PIK3C2G: variants seen among roughly 807,000 people sequenced by gnomAD.
PIK3C2G encodes phosphatidylinositol 3-kinase C2 domain-containing subunit gamma.
In PIK3C2G, 168 loss-of-function variants were observed where a neutral mutation model predicts 181.1. That is an observed-to-expected ratio of 0.93 (90% CI 0.82 to 1.05). The LOEUF is 1.05. Among genes scored for constraint, PIK3C2G ranks in the 50% least tolerant of loss-of-function variants. The pLI, the probability that PIK3C2G is intolerant of heterozygous loss-of-function variation, is 0.00. For synonymous variants in PIK3C2G, 573 were observed against 592.2 expected (o/e 0.97, Z 0.47); for missense variants, 1,869 against 1,732.8 (o/e 1.08, Z -1.40).
the PIK3C2G span, among the ~76,000 whole-genome samples, chr12:18,670,951 G>A: frequency 2.0e-5 from 3 of 152,148 alleles, no homozygotes; most frequent in Admixed American, 6.5e-5. Context: ...GGGAGGCTGA[G>A]GCAGGCAGAT....
At chr12:18,580,202 C>T (rs1048639474) in intron 29 of PIK3C2G, among the ~76,000 whole-genome samples, 2 of 151,536 alleles carry the variant, frequency 1.3e-5, no homozygotes, top group Non-Finnish European at 2.9e-5. Context: ...GATAGCAGTA[C>T]CTAAATAAAT....
At chr12:18,266,051 A>T (rs76508776) in intron 1 of PIK3C2G, among the ~76,000 whole-genome samples, 5,904 of 149,116 alleles carry the variant, frequency 0.04, 429 homozygotes, top group African/African-American at 0.14. Context: ...ACACTACGCA[A>T]TAGAAAATTT....
chr12:18,673,179 G>C, the PIK3C2G span, among the ~76,000 whole-genome samples: 2 of 152,080 alleles, frequency 1.3e-5, no homozygotes, highest in Admixed American at 1.3e-4. Context: ...TGGTTAAATT[G>C]ATTCACATAC....
At chr12:18,510,970 G>C (rs1166749082) in intron 24 of PIK3C2G, among the ~76,000 whole-genome samples, 1 of 152,016 alleles carries the variant, frequency 6.6e-6, no homozygotes, top group East Asian at 1.9e-4. Flanking sequence ...TATACTCTTT[G>C]ATCAATAGCT....
chr12:18,432,364 G>A (rs1443636257), intron 18 of PIK3C2G, among the ~76,000 whole-genome samples: 1 of 152,052 alleles, frequency 6.6e-6, no homozygotes, highest in Non-Finnish European at 1.5e-5. Flanking sequence ...CTCAAATGTT[G>A]AAACTTGGAC....
At chr12:18,562,182 A>G (rs1366977576) in intron 26 of PIK3C2G, among the ~76,000 whole-genome samples, 1 of 152,186 alleles carries the variant, frequency 6.6e-6, no homozygotes, top group Non-Finnish European at 1.5e-5. Flanking sequence ...ACCAGGCTGG[A>G]GTGCAGCCGC....
chr12:18,720,008 C>G, the PIK3C2G span, among the ~76,000 whole-genome samples: 1 of 152,030 alleles, frequency 6.6e-6, no homozygotes, highest in African/African-American at 2.4e-5. Context: ...GACTAACTTC[C>G]CAGTCACTCA....
chr12:18,568,835 A>T (rs1358949619), intron 29 of PIK3C2G, among the ~76,000 whole-genome samples: 2 of 152,192 alleles, frequency 1.3e-5, no homozygotes, highest in Non-Finnish European at 2.9e-5. Context: ...CCACTTTGGT[A>T]GATCTTGGCC....
intron 11 of PIK3C2G, among the ~76,000 whole-genome samples, chr12:18,361,860 G>T (rs532421064): frequency 6.6e-6 from 1 of 152,268 alleles, no homozygotes; most frequent in South Asian, 2.1e-4. Flanking sequence ...TGAAGTGTTG[G>T]ACATATGCTC....
At chr12:18,560,791 G>A (rs560194910) in intron 26 of PIK3C2G, among the ~76,000 whole-genome samples, 2 of 151,862 alleles carry the variant, frequency 1.3e-5, no homozygotes, top group South Asian at 4.2e-4. Context: ...TATTGAAAGG[G>A]CACTATTTAA....
At chr12:18,392,813 G>T (rs935475531) in intron 15 of PIK3C2G, among the ~76,000 whole-genome samples, 3 of 152,064 alleles carry the variant, frequency 2.0e-5, no homozygotes, top group African/African-American at 7.2e-5. Flanking sequence ...AACAATGTGT[G>T]TGAATAAATA....
rs1555170513 is a variant in PIK3C2G, at chr12:18,362,149, T to TA, written c.1626-608dup. Among the ~76,000 whole-genome samples the TA allele has an allele frequency of 3.3e-5, 5 of 152,176 alleles. No homozygotes were observed. The Middle Eastern group carries it at 0.01, about 311-fold the overall frequency. ...GGAGAAGCCATAAATTGGGTTTTTT[T>TA]AAAAAAATCATTCTATGCTGAGTTG... On this transcript the variant is annotated intron_variant, in intron 11 of 32. Coordinates refer to ENST00000538779, the MANE Select transcript of PIK3C2G (RefSeq NM_001288772.2).
chr12:18,451,834 G>GT (rs1161714360), intron 18 of PIK3C2G, among the ~76,000 whole-genome samples: 3 of 152,150 alleles, frequency 2.0e-5, no homozygotes, highest in Admixed American at 1.3e-4. Flanking sequence ...TAATCATGTG[G>GT]TTTTTTGTCA....
At chr12:18,652,580 A>G (rs572672790), downstream of PIK3C2G, among the ~76,000 whole-genome samples, 3 of 152,238 alleles carry the variant, frequency 2.0e-5, no homozygotes, top group Admixed American at 1.3e-4. Flanking sequence ...ATATTGGGTC[A>G]TCATCTGTTG....
chr12:18,524,021 A>G lies in PIK3C2G; in HGVS notation c.3324-14135A>G, dbSNP rs570846960. Among the ~76,000 whole-genome samples, 281 of 152,332 alleles carry G rather than the reference A, an allele frequency of 1.8e-3. 1 individual carries two copies. The highest frequency in any genetic ancestry group is 2.9e-3 in the Non-Finnish European group (197 of 68,032). ...GTATGGCACCTCCACTGGCCAGATGAAGAGCAACCCCCACAATCTGTGTGC... is the reference window on the plus strand; with the variant it reads ...GTATGGCACCTCCACTGGCCAGATGGAGAGCAACCCCCACAATCTGTGTGC... On this transcript the variant is annotated intron_variant, in intron 24 of 32. Coordinates refer to ENST00000538779, the MANE Select transcript of PIK3C2G (RefSeq NM_001288772.2).
At chr12:18,551,692 A>C (rs1185464134) in intron 26 of PIK3C2G, among the ~76,000 whole-genome samples, 1 of 152,142 alleles carries the variant, frequency 6.6e-6, no homozygotes, top group Non-Finnish European at 1.5e-5. Flanking sequence ...TTTTGACAGC[A>C]AAAGAACCCC....
chr12:18,491,647 C>A, intron 20 of PIK3C2G, 89 bp downstream of exon 20: 1 of 694,718 alleles, frequency 1.4e-6, no homozygotes, highest in South Asian at 2.0e-5. Context: ...AAAAAGAATT[C>A]GTAAGTTGAC....
At chr12:18,352,887 T>C (rs1233026475) in intron 11 of PIK3C2G, among the ~76,000 whole-genome samples, 1 of 152,128 alleles carries the variant, frequency 6.6e-6, no homozygotes, top group Non-Finnish European at 1.5e-5. Flanking sequence ...TCTCTGCCAC[T>C]CTGCTGCTCT....
chr12:18,265,821 C>G (rs538019954), intron 1 of PIK3C2G, among the ~76,000 whole-genome samples: 1 of 151,880 alleles, frequency 6.6e-6, no homozygotes, highest in East Asian at 1.9e-4. Flanking sequence ...TGAGACCAGC[C>G]TGGCCAACAT....
Sources: allele counts gnomAD v4.1 joint callset (sites outside exome capture counted in the v4.1 genomes callset), GRCh38; gene constraint gnomAD v4.1.1; transcripts MANE v1.5; gene names NCBI Gene and HGNC (gene_info 2026-07-23, HGNC 2026-07-21).